The following BLMH variants were observed in gnomAD, a reference collection of about 807,000 sequenced individuals.
BLMH encodes bleomycin hydrolase.
Under a neutral mutation model 61.6 loss-of-function variants are expected in BLMH, and 32 were observed. The ratio of observed to expected loss-of-function variants is 0.52; its 90% CI spans 0.39 to 0.70. The LOEUF is 0.70. Among genes scored for constraint, BLMH ranks in the 30% least tolerant of loss-of-function variants. The pLI, the probability that BLMH is intolerant of heterozygous loss-of-function variation, is 0.00. For synonymous variants in BLMH, 183 were observed against 193.8 expected (o/e 0.94, Z 0.46); for missense variants, 460 against 555.5 (o/e 0.83, Z 1.73).
At chr17:30,278,814 C>A (rs1380904543) in intron 6 of BLMH, among the ~76,000 whole-genome samples, 1 of 152,156 alleles carries the variant, frequency 6.6e-6, no homozygotes, top group African/African-American at 2.4e-5. Flanking sequence ...TGATTACAGG[C>A]ATGCACCACC....
chr17:30,280,455 C>T (rs1567837867), intron 6 of BLMH, among the ~76,000 whole-genome samples: 1 of 152,016 alleles, frequency 6.6e-6, no homozygotes, highest in Admixed American at 6.6e-5. Context: ...AAATGCAAAA[C>T]CCTACAATCA....
At chr17:30,279,961 A>G (rs16965668) in intron 6 of BLMH, among the ~76,000 whole-genome samples, 12,696 of 151,296 alleles carry the variant, frequency 0.084, 797 homozygotes, top group African/African-American at 0.17. Context: ...TTTAAAGACA[A>G]ATGATATGGG....
rs1040942796 is a variant in BLMH, at chr17:30,255,998, C to T, written c.1217-6830G>A. Among the ~76,000 whole-genome samples, 5 of 152,198 alleles carry T rather than the reference C, an allele frequency of 3.3e-5. No homozygotes were observed. In the East Asian group the frequency reaches 7.7e-4, roughly 23 times the overall value. On this transcript the variant is annotated intron_variant, in intron 11 of 11. Coordinates refer to ENST00000261714, the MANE Select transcript of BLMH (RefSeq NM_000386.4). Reference sequence around the variant, plus strand: ...AACTCCTGGGGACATGCGATCCTCCCACCTTAGCCTCCCAAGTAGCTAGGA... The same window carrying T: ...AACTCCTGGGGACATGCGATCCTCCTACCTTAGCCTCCCAAGTAGCTAGGA...
intron 11 of BLMH, among the ~76,000 whole-genome samples, chr17:30,261,777 T>C (rs1907966510): frequency 1.3e-5 from 2 of 152,206 alleles, no homozygotes; most frequent in Non-Finnish European, 2.9e-5. Flanking sequence ...GGTGAGACAA[T>C]TAAAGGTCAT....
intron 11 of BLMH, among the ~76,000 whole-genome samples, chr17:30,251,258 A>C (rs577491724): frequency 1.3e-5 from 2 of 152,294 alleles, no homozygotes; most frequent in African/African-American, 4.8e-5. Context: ...AAACAAACAA[A>C]TCTGTTCTTT....
intron 3 of BLMH, among the ~76,000 whole-genome samples, chr17:30,288,397 G>C (rs1398888385): frequency 1.3e-5 from 2 of 152,102 alleles, no homozygotes; most frequent in Non-Finnish European, 2.9e-5. Context: ...ATGCTCTGTT[G>C]CCTAGGCTGG....
In BLMH at chr17:30,269,055, AC is replaced by A. The variant is rs202131137; in HGVS notation, c.1147-2102del. 5.6e-3 allele frequency among the ~76,000 whole-genome samples: 848 copies of A among 151,782 alleles called. 26 individuals are homozygous for A. The highest frequency in any genetic ancestry group is 0.044 in the Admixed American group (675 of 15,232). ...ACTCAGTCTCAAAAAAAACAAAAAAACAACAACAAAAAAACACAAAACAGAA... is the reference window on the plus strand; with the variant it reads ...ACTCAGTCTCAAAAAAAACAAAAAAAAACAACAAAAAAACACAAAACAGAA... On this transcript the variant is annotated intron_variant, in intron 10 of 11. Transcript: ENST00000261714.
chr17:30,291,380 G>C lies in BLMH; in HGVS notation c.142C>G (p.Arg48Gly), dbSNP rs1190632645. Residue 48 changes from arginine (R) to glycine (G), a missense_variant, in exon 2 of 12, where the codon CGC becomes GGC. Physicochemically the swap from Arg to Gly is moderately radical, Grantham distance 125 (BLOSUM62 -2). This residue lies in a region of BLMH where 86 missense variants were observed against 84.5 expected (regional missense o/e 1.02). Coordinates refer to ENST00000261714, the MANE Select transcript of BLMH (RefSeq NM_000386.4). Reference sequence around the variant, plus strand: ...GCGTGCTGGAACACATGCTGCGCGCGCTGCACCGTGGCCCGCTTCAGACAG... The same window carrying C: ...GCGTGCTGGAACACATGCTGCGCGCCCTGCACCGTGGCCCGCTTCAGACAG... ...DICLKRATVQRAQHVFQHAVP... is the reference protein window; with the variant it reads ...DICLKRATVQGAQHVFQHAVP... 1 of 1,613,784 alleles carries C rather than the reference G, an allele frequency of 6.2e-7. No individual in the cohort carries two copies. The highest frequency in any genetic ancestry group is 1.3e-5 in the African/African-American group (1 of 74,928).
intron 4 of BLMH, 83 bp from the exon 5 acceptor site, chr17:30,286,985 C>T (rs987559838): frequency 3.5e-5 from 30 of 852,018 alleles, no homozygotes; most frequent in African/African-American, 5.2e-5. Context: ...AAAAAATAGG[C>T]GATATTTTGC....
In BLMH at chr17:30,271,401, T is replaced by C; in HGVS notation, c.1029-13A>G. 1.9e-6 allele frequency: 3 copies of C among 1,599,326 alleles called. No homozygotes were observed. The highest frequency in any genetic ancestry group is 2.6e-6 in the Non-Finnish European group (3 of 1,166,644). ...CTCATGGTCATAGCTGTAAAAAGAA[T>C]GATAGTACAAAATAAAGGGAGTACG... On this transcript the variant is annotated splice_polypyrimidine_tract_variant and intron_variant, in intron 9 of 11. Coordinates refer to ENST00000261714, the MANE Select transcript of BLMH (RefSeq NM_000386.4).
chr17:30,289,510 T>C, intron 2 of BLMH, 28 bp from the exon 3 acceptor site: 1 of 1,548,140 alleles, frequency 6.5e-7, no homozygotes, highest in Non-Finnish European at 8.9e-7. Flanking sequence ...ATCAAGAAAT[T>C]ATGAGGGTTC....
rs1908775097 is a variant in BLMH at position 30,287,940 on chromosome 17, C to T, written c.329G>A (p.Arg110His). 3 of 1,612,034 alleles carry T rather than the reference C, an allele frequency of 1.9e-6. No homozygotes were observed. Among genetic ancestry groups the T allele is most frequent in the South Asian group, 1.1e-5 (1 of 90,676 alleles). ...AAAAGCACTCAAGAAGAAATAACAG[C>T]GTTCAACCTAAAGAGTAAAGAAAGT... is the stretch of plus-strand genomic sequence containing the variant. ...SYLFFWDKVE[R>H]CYFFLSAFVD... Residue 110 changes from arginine (R) to histidine (H), a missense_variant, in exon 4 of 12, where the codon CGC becomes CAC. By Grantham distance (29) the Arg-to-His change is conservative. Coordinates refer to ENST00000261714, the MANE Select transcript of BLMH (RefSeq NM_000386.4).
chr17:30,256,956 G>T (rs1907834749), intron 11 of BLMH, among the ~76,000 whole-genome samples: 1 of 152,188 alleles, frequency 6.6e-6, no homozygotes, highest in South Asian at 2.1e-4. Flanking sequence ...TGTTGCAAAT[G>T]TGCAAAATGA....
rs1908352898 is a variant in BLMH at position 30,274,101 on chromosome 17, T to C, written c.742A>G (p.Ile248Val). 6.2e-7 allele frequency: 1 copy of C among 1,614,200 alleles called. No homozygotes were observed. Among genetic ancestry groups the C allele is most frequent in the African/African-American group, 1.3e-5 (1 of 75,054 alleles). Residue 248 changes from isoleucine to valine, a missense_variant, in exon 7 of 12, where the codon ATA (isoleucine) becomes GTA (valine). Ile to Val is a conservative substitution (Grantham distance 29, BLOSUM62 3). Transcript: ENST00000261714. Reference protein sequence around the residue: ...KDKNYQKIGPITPLEFYREHV... With the variant: ...KDKNYQKIGPVTPLEFYREHV... ...TCCCTGTAAAACTCCAAGGGTGTTATGGGGCCAATTTTCTGATAATTTTTA... is the reference window on the plus strand; with the variant it reads ...TCCCTGTAAAACTCCAAGGGTGTTACGGGGCCAATTTTCTGATAATTTTTA...
chr17:30,256,527 G>A (rs766508000), intron 11 of BLMH, among the ~76,000 whole-genome samples: 1 of 151,664 alleles, frequency 6.6e-6, no homozygotes, highest in Non-Finnish European at 1.5e-5. Flanking sequence ...ACGGGGTTTC[G>A]CCACTTTGGC....
At chr17:30,258,649 C>A (rs1006095564) in intron 11 of BLMH, among the ~76,000 whole-genome samples, 4 of 152,172 alleles carry the variant, frequency 2.6e-5, no homozygotes, top group African/African-American at 9.7e-5. Flanking sequence ...CGGCTGACTT[C>A]TTTCTCTAGA....
chr17:30,269,763 A>C (rs73268102), intron 10 of BLMH, among the ~76,000 whole-genome samples: 12,801 of 152,186 alleles, frequency 0.084, 837 homozygotes, highest in African/African-American at 0.17. Context: ...CTTTACATTT[A>C]TTTATGAAAA....
chr17:30,270,480 T>G (rs992054384), intron 10 of BLMH, among the ~76,000 whole-genome samples: 1 of 144,034 alleles, frequency 6.9e-6, no homozygotes, highest in Non-Finnish European at 1.5e-5. Context: ...CCTGCCTGGA[T>G]GACAGAGTGA....
intron 11 of BLMH, among the ~76,000 whole-genome samples, chr17:30,259,018 T>A (rs953054692): frequency 3.0e-4 from 46 of 152,034 alleles, no homozygotes; most frequent in African/African-American, 1.1e-3. Context: ...CCTAACATCC[T>A]CCCTAAAGAG....
Sources: gnomAD v4.1 joint callset for allele counts (sites outside exome capture counted in the v4.1 genomes callset) on GRCh38, gnomAD v4.1.1 for gene constraint, gnomAD v4.1.1 regional missense constraint, MANE v1.5 for transcripts, NCBI Gene and HGNC (gene_info 2026-07-23, HGNC 2026-07-21) for gene names.